Variants in P4HA1 observed in about 807,000 individuals in gnomAD.
P4HA1 encodes prolyl 4-hydroxylase subunit alpha 1, also known as prolyl 4-hydroxylase subunit alpha-1.
A neutral mutation model predicts 72.8 loss-of-function variants in P4HA1; 24 were observed. The ratio of observed to expected loss-of-function variants is 0.33; its 90% CI spans 0.24 to 0.46. P4HA1 has a LOEUF of 0.46. Ranked by LOEUF, P4HA1 falls within the 20% of genes least tolerant of loss-of-function variation. The probability of loss-of-function intolerance (pLI) is 1.00; values close to 1 mark genes in which losing one functional copy is unlikely to be tolerated. For missense variants in P4HA1, 446 were observed against 640.6 expected (o/e 0.70, Z 3.28); for synonymous variants, 201 against 218.8 (o/e 0.92, Z 0.72).
chr10:73,063,261 C>T (rs1841350515), intron 5 of P4HA1, among the ~76,000 whole-genome samples: 1 of 152,186 alleles, frequency 6.6e-6, no homozygotes, highest in Admixed American at 6.5e-5. Context: ...GGCTGCTCTC[C>T]ACTTCCAAGA....
chr10:73,010,550 G>A (rs1347405089), intron 13 of P4HA1, among the ~76,000 whole-genome samples: 1 of 152,050 alleles, frequency 6.6e-6, no homozygotes, highest in Non-Finnish European at 1.5e-5. Flanking sequence ...AAGTACTCGT[G>A]GCAAGGACCA....
At chr10:73,027,977 T>C (rs1037538969) in intron 10 of P4HA1, among the ~76,000 whole-genome samples, 1 of 152,034 alleles carries the variant, frequency 6.6e-6, no homozygotes, top group Non-Finnish European at 1.5e-5. Context: ...TTATTCAGGT[T>C]TGCATTCCCA....
intron 10 of P4HA1, among the ~76,000 whole-genome samples, chr10:73,018,890 C>T (rs971613714): frequency 6.6e-6 from 1 of 151,986 alleles, no homozygotes; most frequent in Admixed American, 6.6e-5. Context: ...TACATCCAAC[C>T]CTGCCAATAG....
At chr10:73,071,769 G>A (rs1187497906) in intron 4 of P4HA1, among the ~76,000 whole-genome samples, 1 of 150,712 alleles carries the variant, frequency 6.6e-6, no homozygotes, top group Non-Finnish European at 1.5e-5. Context: ...ATTACCCTCA[G>A]AAATGAAGCT....
intron 4 of P4HA1, among the ~76,000 whole-genome samples, chr10:73,069,653 A>G (rs1841504451): frequency 6.6e-6 from 1 of 152,174 alleles, no homozygotes; most frequent in Non-Finnish European, 1.5e-5. Flanking sequence ...AAACAAACCA[A>G]TTACTGATAA....
At chr10:73,078,483 T>A (rs1841750393) in intron 1 of P4HA1, among the ~76,000 whole-genome samples, 1 of 151,858 alleles carries the variant, frequency 6.6e-6, no homozygotes, top group African/African-American at 2.4e-5. Context: ...ATAAATAAAT[T>A]AACACTGGTC....
chr10:73,071,055 C>T (rs1460300072), intron 4 of P4HA1, among the ~76,000 whole-genome samples: 1 of 151,726 alleles, frequency 6.6e-6, no homozygotes, highest in Non-Finnish European at 1.5e-5. Flanking sequence ...GCGTGGTGGT[C>T]TATGCTTGTA....
At chr10:73,093,907 T>TATATATATATATATATATACAC (rs1256283876) in intron 1 of P4HA1, among the ~76,000 whole-genome samples, 3 of 55,616 alleles carry the variant, frequency 5.4e-5, no homozygotes, top group African/African-American at 2.8e-4. Flanking sequence ...TATATATATA[T>TATATATATATATATATATACAC]ACACACACAC....
At chr10:73,089,453 A>T (rs1169459140) in intron 1 of P4HA1, among the ~76,000 whole-genome samples, 1 of 152,136 alleles carries the variant, frequency 6.6e-6, no homozygotes, top group Non-Finnish European at 1.5e-5. Context: ...ACATCTAGCT[A>T]TTGCACTCCT....
At chr10:73,031,280 T>C (rs1840426824) in intron 9 of P4HA1, among the ~76,000 whole-genome samples, 1 of 152,160 alleles carries the variant, frequency 6.6e-6, no homozygotes, top group South Asian at 2.1e-4. Context: ...GGCCAGGAGT[T>C]TGAGACCAGC....
chr10:73,055,583 C>T lies in P4HA1; in HGVS notation c.464-1993G>A, dbSNP rs557542895. ...CTCTCTTGATGGTGCACTTTTGAAA[C>T]TGTGATGAAGTCCAACTTATTAATC... On this transcript the variant is annotated intron_variant, in intron 5 of 14. Transcript: ENST00000394890. Among the ~76,000 whole-genome samples, 4 of 152,320 alleles carry T rather than the reference C, an allele frequency of 2.6e-5. No homozygotes were observed. The South Asian group carries it at 8.3e-4, about 32-fold the overall frequency.
chr10:73,093,917 C>CATAT lies in P4HA1; in HGVS notation c.-33+2848_-33+2849insATAT, dbSNP rs550415818. ...ATATATATATATATATACACACACA[C>CATAT]ACACACACACATACTCATTTTATTT... On this transcript the variant is annotated intron_variant, in intron 1 of 14. Transcript: ENST00000394890. Among the ~76,000 whole-genome samples the CATAT allele has an allele frequency of 2.8e-3, 319 of 112,980 alleles. 4 individuals carry two copies. Among genetic ancestry groups the CATAT allele is most frequent in the African/African-American group, 0.01 (306 of 29,378 alleles). The allele number at this position is 112,980 out of a possible 152,430, so 74.1% of individuals were successfully genotyped here. A position where few individuals can be genotyped will look rare whatever the true frequency, so the allele number is the denominator to read the frequency against.
At chr10:73,028,116 G>C (rs1216353110) in intron 10 of P4HA1, among the ~76,000 whole-genome samples, 1 of 152,054 alleles carries the variant, frequency 6.6e-6, no homozygotes, top group Non-Finnish European at 1.5e-5. Flanking sequence ...GTGGGTTGCT[G>C]TTTTTCATGC....
At chr10:73,074,571 T>C (rs1011353757) in intron 2 of P4HA1, among the ~76,000 whole-genome samples, 17 of 152,154 alleles carry the variant, frequency 1.1e-4, no homozygotes, top group Non-Finnish European at 2.1e-4. Flanking sequence ...TACTTGTATA[T>C]CTGTGCACTG....
intron 1 of P4HA1, among the ~76,000 whole-genome samples, chr10:73,093,903 T>TACAC (rs1307238315): frequency 2.7e-5 from 2 of 75,240 alleles, no homozygotes; most frequent in Non-Finnish European, 4.7e-5. Flanking sequence ...TATATATATA[T>TACAC]ATATACACAC....
chr10:73,023,911 A>G (rs1390509207), intron 10 of P4HA1, among the ~76,000 whole-genome samples: 1 of 152,188 alleles, frequency 6.6e-6, no homozygotes, highest in East Asian at 1.9e-4. Context: ...ACGTAATGGT[A>G]TAGGGATCAA....
rs1839902456 is a variant in P4HA1, at chr10:73,011,113, T to C, written c.1369-76A>G. ...ACATGCCATTATATAGACTTGATAT[T>C]GGATACTAGAATATTGGGAACATAT... is the stretch of plus-strand genomic sequence containing the variant. On this transcript the variant is annotated intron_variant, in intron 12 of 14. Transcript: ENST00000394890. The C allele has an allele frequency of 2.8e-6, 3 of 1,065,654 alleles. No homozygotes were observed. In the South Asian group the frequency reaches 4.0e-5, roughly 14 times the overall value. The allele number at this position is 1,065,654 out of a possible 1,614,324, so 66.0% of individuals were successfully genotyped here. A position where few individuals can be genotyped will look rare whatever the true frequency, so the allele number is the denominator to read the frequency against.
chr10:73,031,540 C>T (rs539053478), intron 9 of P4HA1, among the ~76,000 whole-genome samples: 1 of 151,844 alleles, frequency 6.6e-6, no homozygotes, highest in Non-Finnish European at 1.5e-5. Flanking sequence ...AAGCCAGATA[C>T]AAAGGCCACA....
At chr10:73,028,787 G>A (rs1589585260) in intron 10 of P4HA1, among the ~76,000 whole-genome samples, 2 of 149,614 alleles carry the variant, frequency 1.3e-5, no homozygotes, top group African/African-American at 4.9e-5. Flanking sequence ...GCTCATGCCT[G>A]TAATCCCAAC....
Sources: gnomAD v4.1 joint callset for allele counts (sites outside exome capture counted in the v4.1 genomes callset) on GRCh38, gnomAD v4.1.1 for gene constraint, MANE v1.5 for transcripts, NCBI Gene and HGNC (gene_info 2026-07-23, HGNC 2026-07-21) for gene names.